Variants in MTHFD1L observed in about 807,000 individuals in gnomAD.
MTHFD1L encodes the protein methylenetetrahydrofolate dehydrogenase (NADP+ dependent) 1 like, also known as monofunctional C1-tetrahydrofolate synthase, mitochondrial.
MTHFD1L carries 81 observed loss-of-function variants against 119.5 expected under a neutral mutation model. The observed-to-expected ratio is 0.68, with a 90% CI of 0.57 to 0.82. The LOEUF is 0.82. MTHFD1L is among the 40% of genes least tolerant of loss of function. The pLI is 0.00. For missense variants in MTHFD1L, 1,125 were observed against 1,253.4 expected (o/e 0.90, Z 1.55); for synonymous variants, 430 against 475.2 (o/e 0.90, Z 1.24).
At chr6:150,980,934 G>A (rs1285072039) in intron 20 of MTHFD1L, among the ~76,000 whole-genome samples, 3 of 151,804 alleles carry the variant, frequency 2.0e-5, no homozygotes, top group African/African-American at 7.3e-5. Context: ...TTCTCTGCTC[G>A]TGACCATTAA....
At chr6:150,877,612 A>G in intron 2 of MTHFD1L, 22 bp from the exon 3 acceptor site, 2 of 1,613,478 alleles carry the variant, frequency 1.2e-6, no homozygotes, top group Non-Finnish European at 1.7e-6. Flanking sequence ...TTATGTTGTT[A>G]TGTTGTTTTT....
At chr6:150,976,935 A>C (rs1467943690) in intron 20 of MTHFD1L, among the ~76,000 whole-genome samples, 1 of 152,222 alleles carries the variant, frequency 6.6e-6, no homozygotes, top group Non-Finnish European at 1.5e-5. Context: ...TTCTATGTAT[A>C]CTCTGGAAAA....
intron 5 of MTHFD1L, 130 bp downstream of exon 5, chr6:150,883,016 A>C: frequency 1.0e-6 from 1 of 1,003,070 alleles, no homozygotes; most frequent in Non-Finnish European, 1.4e-6. Context: ...AATCATTTTA[A>C]ATATTTCAGG....
intron 24 of MTHFD1L, among the ~76,000 whole-genome samples, chr6:151,020,685 T>G (rs988628603): frequency 1.3e-5 from 2 of 152,322 alleles, no homozygotes; most frequent in African/African-American, 4.8e-5. Context: ...AGAGGATCAT[T>G]TCCTCTCTAC....
At chr6:150,902,604 C>A (rs2128832659) in intron 7 of MTHFD1L, among the ~76,000 whole-genome samples, 1 of 152,150 alleles carries the variant, frequency 6.6e-6, no homozygotes, top group Non-Finnish European at 1.5e-5. Flanking sequence ...GAATTAACAT[C>A]TATGATGCAA....
At chr6:151,030,099 C>A (rs1023004624) in intron 24 of MTHFD1L, among the ~76,000 whole-genome samples, 9 of 152,188 alleles carry the variant, frequency 5.9e-5, no homozygotes, top group Admixed American at 5.9e-4. Flanking sequence ...ACGTTTACAA[C>A]GTGCTTGCGT....
intron 7 of MTHFD1L, among the ~76,000 whole-genome samples, chr6:150,896,475 T>A (rs1784237852): frequency 6.6e-6 from 1 of 152,076 alleles, no homozygotes. Flanking sequence ...GTGGGTGAGA[T>A]GGAGAAAAAA....
chr6:150,973,422 G>A (rs1776067532), intron 20 of MTHFD1L, among the ~76,000 whole-genome samples: 1 of 152,176 alleles, frequency 6.6e-6, no homozygotes, highest in Admixed American at 6.5e-5. Flanking sequence ...TAGACATACT[G>A]TCTAAGTGGA....
intron 26 of MTHFD1L, among the ~76,000 whole-genome samples, chr6:151,048,857 G>A (rs1260948021): frequency 6.6e-6 from 1 of 152,178 alleles, no homozygotes; most frequent in Non-Finnish European, 1.5e-5. Context: ...TCTGTGGCTG[G>A]CTGTGTGGGG....
intron 8 of MTHFD1L, among the ~76,000 whole-genome samples, chr6:150,911,672 G>T (rs182992600): frequency 1.3e-5 from 2 of 152,046 alleles, no homozygotes; most frequent in African/African-American, 4.8e-5. Flanking sequence ...GTCCATTTTC[G>T]CACTGCTGAT....
At position 150,902,299 on chromosome 6, in the gene MTHFD1L, C is replaced by A. The variant is rs545689515; in HGVS notation, c.781-3351C>A. Among the ~76,000 whole-genome samples, 10 of 152,290 alleles carry A rather than the reference C, an allele frequency of 6.6e-5. No homozygotes were observed. The East Asian group carries it at 1.9e-3, about 29-fold the overall frequency. ...AAACTACTGCACCCCCACACGCTCC[C>A]TGTTAAGTGTCTGCATATCTGTGTC... On this transcript the variant is annotated intron_variant, in intron 7 of 27. Coordinates refer to ENST00000367321, the MANE Select transcript of MTHFD1L (RefSeq NM_015440.5).
chr6:151,090,572 C>G (rs1439646519), intron 26 of MTHFD1L, among the ~76,000 whole-genome samples: 1 of 136,612 alleles, frequency 7.3e-6, no homozygotes, highest in African/African-American at 3.7e-5. Context: ...AGAGGGAAAC[C>G]TCGAGTCACG....
chr6:151,010,809 G>A (rs1007984361), intron 21 of MTHFD1L, among the ~76,000 whole-genome samples: 3 of 152,040 alleles, frequency 2.0e-5, no homozygotes, highest in Non-Finnish European at 2.9e-5. Flanking sequence ...CATATGAGAC[G>A]AACTGCCAAA....
chr6:150,931,420 G>C (rs1258045880), intron 11 of MTHFD1L, among the ~76,000 whole-genome samples: 2 of 152,078 alleles, frequency 1.3e-5, no homozygotes, highest in East Asian at 3.9e-4. Context: ...TTAAATATCT[G>C]TGTGATTTTC....
chr6:150,875,212 C>T (rs547688021), intron 1 of MTHFD1L, among the ~76,000 whole-genome samples: 3 of 152,180 alleles, frequency 2.0e-5, no homozygotes, highest in East Asian at 1.9e-4. Context: ...CGTGCCATCA[C>T]GCCCAGCTAA....
At chr6:151,050,664 T>C (rs889384496) in intron 26 of MTHFD1L, among the ~76,000 whole-genome samples, 9 of 152,032 alleles carry the variant, frequency 5.9e-5, no homozygotes, top group African/African-American at 2.2e-4. Context: ...ACACTATCTC[T>C]GGGTAGACAG....
chr6:150,927,060 G>A (rs559197864), intron 11 of MTHFD1L, among the ~76,000 whole-genome samples: 1 of 152,196 alleles, frequency 6.6e-6, no homozygotes, highest in South Asian at 2.1e-4. Context: ...AAACCTATTT[G>A]TCAGGCAGAG....
chr6:150,883,590 A>C (rs1041700451), intron 5 of MTHFD1L, among the ~76,000 whole-genome samples: 1 of 152,160 alleles, frequency 6.6e-6, no homozygotes, highest in Non-Finnish European at 1.5e-5. Context: ...GCCAGTTGAG[A>C]AAAGCAAAAT....
intron 7 of MTHFD1L, among the ~76,000 whole-genome samples, chr6:150,905,036 CTTTTT>C (rs36039459): frequency 6.3e-5 from 7 of 111,692 alleles, no homozygotes; most frequent in South Asian, 6.3e-4. Flanking sequence ...TTGTTTTCCT[CTTTTT>C]TTTTTTTTTT....
Sources: allele counts gnomAD v4.1 joint callset (sites outside exome capture counted in the v4.1 genomes callset), GRCh38; gene constraint gnomAD v4.1.1; transcripts MANE v1.5; gene names NCBI Gene and HGNC (gene_info 2026-07-23, HGNC 2026-07-21).